MIB1: variants seen among roughly 807,000 people sequenced by gnomAD.
The protein encoded by MIB1 is E3 ubiquitin-protein ligase MIB1.
MIB1 carries 278 observed loss-of-function variants against 124.5 expected under a neutral mutation model. The ratio of observed to expected loss-of-function variants is 2.23; its 90% CI spans 2.02 to 2.47. The LOEUF is 2.47. Ranked by LOEUF, MIB1 falls within the 30% of genes most tolerant of loss-of-function variation. The pLI is 0.00. For missense variants in MIB1, 957 were observed against 1,254.4 expected (o/e 0.76, Z 3.58); for synonymous variants, 446 against 429.4 (o/e 1.04, Z -0.48).
At chr18:21,756,603 C>T (rs1568188399) in intron 1 of MIB1, among the ~76,000 whole-genome samples, 1 of 151,846 alleles carries the variant, frequency 6.6e-6, no homozygotes, top group Non-Finnish European at 1.5e-5. Flanking sequence ...TAGCTGGGAT[C>T]ACAGGCGTAC....
intron 12 of MIB1, among the ~76,000 whole-genome samples, chr18:21,823,440 A>G (rs1485254882): frequency 6.6e-6 from 1 of 151,850 alleles, no homozygotes; most frequent in Non-Finnish European, 1.5e-5. Context: ...AGAAAACCAG[A>G]TATAGCACGT....
chr18:21,819,007 A>G (rs1706877648), intron 11 of MIB1, among the ~76,000 whole-genome samples: 1 of 152,112 alleles, frequency 6.6e-6, no homozygotes, highest in African/African-American at 2.4e-5. Context: ...TTTCCTTACT[A>G]TAATGTGGCC....
At chr18:21,856,150 A>T (rs2042224289) in intron 18 of MIB1, among the ~76,000 whole-genome samples, 1 of 151,528 alleles carries the variant, frequency 6.6e-6, no homozygotes, top group African/African-American at 2.4e-5. Context: ...GAATGGCGTG[A>T]ACCCGGGAAG....
At chr18:21,721,290 C>T (rs998909263) in intron 1 of MIB1, among the ~76,000 whole-genome samples, 1 of 142,854 alleles carries the variant, frequency 7.0e-6, no homozygotes, top group Admixed American at 7.5e-5. Context: ...AAGTGATTCT[C>T]CTGCCTCAGC....
intron 3 of MIB1, among the ~76,000 whole-genome samples, chr18:21,773,238 C>T (rs546294838): frequency 4.6e-5 from 7 of 152,036 alleles, no homozygotes; most frequent in Non-Finnish European, 7.4e-5. Flanking sequence ...CACTCCAGCC[C>T]GGGCGACAAG....
At chr18:21,761,639 T>A (rs540363688) in intron 1 of MIB1, among the ~76,000 whole-genome samples, 1 of 152,240 alleles carries the variant, frequency 6.6e-6, no homozygotes, top group African/African-American at 2.4e-5. Flanking sequence ...TGTAACTGCC[T>A]CAATTAATAG....
At chr18:21,847,221 T>C in intron 16 of MIB1, 96 bp downstream of exon 16, 1 of 1,055,060 alleles carries the variant, frequency 9.5e-7, no homozygotes. Context: ...AATGTCTTCA[T>C]CTTTGCTCTT....
chr18:21,772,688 T>C (rs2146416175), intron 3 of MIB1, among the ~76,000 whole-genome samples: 1 of 152,264 alleles, frequency 6.6e-6, no homozygotes, highest in Admixed American at 6.5e-5. Flanking sequence ...TATATATATA[T>C]TTTTTAATCC....
At position 21,753,498 on chromosome 18, in the gene MIB1, T is replaced by A. The variant is rs1477430298; in HGVS notation, c.229+11686T>A. Among the ~76,000 whole-genome samples the A allele has an allele frequency of 2.6e-5, 4 of 152,260 alleles. No homozygotes were observed. In the East Asian group the frequency reaches 7.7e-4, roughly 29 times the overall value. ...CATCATGCCCAGCCTGAAAATATTT[T>A]TTTTTGTTAAATGAGATGAGACCAA... On this transcript the variant is annotated intron_variant, in intron 1 of 20. Coordinates refer to ENST00000261537, the MANE Select transcript of MIB1 (RefSeq NM_020774.4).
chr18:21,836,409 G>A (rs2042033446), intron 12 of MIB1, among the ~76,000 whole-genome samples: 1 of 150,864 alleles, frequency 6.6e-6, no homozygotes, highest in South Asian at 2.1e-4. Context: ...TTTTAATCAA[G>A]CTAATATATG....
At chr18:21,717,817 C>T (rs2040696278) in intron 1 of MIB1, among the ~76,000 whole-genome samples, 1 of 152,162 alleles carries the variant, frequency 6.6e-6, no homozygotes, top group African/African-American at 2.4e-5. Context: ...CTAGTACAAC[C>T]ACTATGGAAA....
Position 21,857,158 on chromosome 18 carries a change from GCA to G in MIB1, c.2695_2696del (p.Gln899ValfsTer6), listed in dbSNP as rs1369651912. On this transcript the variant is annotated frameshift_variant, in exon 19 of 21. Coordinates refer to ENST00000261537, the MANE Select transcript of MIB1 (RefSeq NM_020774.4). LOFTEE classifies it high-confidence loss of function. ...NCANLMKKCV[Q>X]CRAVVERRVP... Reference sequence around the variant, plus strand: ...GTGCTAACCTGATGAAAAAGTGTGTGCAGTGTCGAGCAGTAGTTGAACGAAGA... The same window carrying G: ...GTGCTAACCTGATGAAAAAGTGTGTGGTGTCGAGCAGTAGTTGAACGAAGA... The G allele has an allele frequency of 6.2e-7, 1 of 1,614,114 alleles. No individual in the cohort carries two copies. The highest frequency in any genetic ancestry group is 8.5e-7 in the Non-Finnish European group (1 of 1,179,962).
chr18:21,734,452 C>T (rs2040786106), intron 1 of MIB1, among the ~76,000 whole-genome samples: 1 of 147,924 alleles, frequency 6.8e-6, no homozygotes, highest in Non-Finnish European at 1.5e-5. Flanking sequence ...AATAGGGACT[C>T]TTTTCTTTTC....
At chr18:21,844,400 T>C (rs751877418) in intron 15 of MIB1, 147 bp downstream of exon 15, 1 of 805,800 alleles carries the variant, frequency 1.2e-6, no homozygotes, top group Non-Finnish European at 1.9e-6. Context: ...TTAGTACTAG[T>C]CAGTACTAAC....
At chr18:21,766,413 A>G (rs1248104670) in intron 2 of MIB1, among the ~76,000 whole-genome samples, 1 of 152,208 alleles carries the variant, frequency 6.6e-6, no homozygotes, top group Non-Finnish European at 1.5e-5. Context: ...AAAGGAAATA[A>G]TGAGTCAGTG....
Position 21,843,199 on chromosome 18 carries a change from G to A in MIB1, c.2031G>A (p.Gln677=). 2 of 1,591,300 alleles carry A rather than the reference G, an allele frequency of 1.3e-6. No individual in the cohort carries two copies. Among genetic ancestry groups the A allele is most frequent in the South Asian group, 1.2e-5 (1 of 85,952 alleles). The part of the protein sequence containing the change: ...QTALHLAVER[Q]HTQIVRLLVR... ...CCCTACACCTTGCTGTTGAACGACAGCATACCCAGATTGTTAGGGTAAAGT... is the reference window on the plus strand; with the variant it reads ...CCCTACACCTTGCTGTTGAACGACAACATACCCAGATTGTTAGGGTAAAGT... The change falls in exon 14 of 21, where the codon CAG becomes CAA. Residue 677 remains glutamine, a synonymous_variant. Transcript: ENST00000261537.
At chr18:21,783,023 C>T (rs1321554671) in intron 6 of MIB1, among the ~76,000 whole-genome samples, 1 of 152,014 alleles carries the variant, frequency 6.6e-6, no homozygotes, top group Non-Finnish European at 1.5e-5. Flanking sequence ...TATACAGTGA[C>T]TTTTGTCTGT....
chr18:21,787,802 G>C (rs997793866), intron 6 of MIB1, among the ~76,000 whole-genome samples: 11 of 150,436 alleles, frequency 7.3e-5, no homozygotes, highest in Non-Finnish European at 1.5e-4. Context: ...AGTGAAGCCA[G>C]ATTGTTTCTA....
At chr18:21,754,261 A>G (rs2041006457) in intron 1 of MIB1, among the ~76,000 whole-genome samples, 1 of 152,156 alleles carries the variant, frequency 6.6e-6, no homozygotes, top group African/African-American at 2.4e-5. Flanking sequence ...GTCCCCCTTT[A>G]TCCATCCTCT....
Sources: gnomAD v4.1 joint callset for allele counts (sites outside exome capture counted in the v4.1 genomes callset) on GRCh38, gnomAD v4.1.1 for gene constraint, MANE v1.5 for transcripts, NCBI Gene and HGNC (gene_info 2026-07-23, HGNC 2026-07-21) for gene names.